KIF13B: variants seen among roughly 807,000 people sequenced by gnomAD.
KIF13B encodes kinesin-like protein KIF13B.
Under a neutral mutation model 222.0 loss-of-function variants are expected in KIF13B, and 127 were observed. The observed-to-expected ratio is 0.57, with a 90% confidence interval of 0.50 to 0.66. KIF13B has a LOEUF of 0.66. Ranked by LOEUF, KIF13B falls within the 30% of genes least tolerant of loss-of-function variation. The pLI is 0.00. For synonymous variants in KIF13B, 976 were observed against 919.0 expected (o/e 1.06, Z -1.12); for missense variants, 2,173 against 2,379.0 (o/e 0.91, Z 1.80).
intron 33 of KIF13B, among the ~76,000 whole-genome samples, 164 bp downstream of exon 33, chr8:29,109,753 TG>T (rs1417649254): frequency 6.6e-6 from 1 of 152,252 alleles, no homozygotes; most frequent in Non-Finnish European, 1.5e-5. Flanking sequence ...GCTGTTACTT[TG>T]TAAGACAGAA....
chr8:29,221,465 T>TAA lies in KIF13B; in HGVS notation c.149+23879_149+23880dup, dbSNP rs758078417. On this transcript the variant is annotated intron_variant, in intron 2 of 39. Transcript: ENST00000524189. The stretch of plus-strand genomic sequence containing the variant: ...GGGCAACAGAGTGAGACCCTGTATT[T>TAA]AAAAAAAAAAAAAAAGGAAAGAAAA... 4.0e-4 allele frequency among the ~76,000 whole-genome samples: 52 copies of TAA among 130,696 alleles called. No homozygotes were observed. In the South Asian group the frequency reaches 4.9e-3, roughly 12 times the overall value. 85.7% of individuals were successfully genotyped at this position (130,696 alleles called of 152,430 possible). A position where few individuals can be genotyped will look rare whatever the true frequency, so the allele number is the denominator to read the frequency against.
chr8:29,238,662 C>T (rs1018765267), intron 2 of KIF13B, among the ~76,000 whole-genome samples: 1 of 152,092 alleles, frequency 6.6e-6, no homozygotes, highest in Non-Finnish European at 1.5e-5. Flanking sequence ...TACTGTAAAA[C>T]AAGAACAGTC....
chr8:29,149,012 G>A (rs1811184750), intron 15 of KIF13B, among the ~76,000 whole-genome samples: 1 of 152,196 alleles, frequency 6.6e-6, no homozygotes, highest in Non-Finnish European at 1.5e-5. Flanking sequence ...GGAAAGCTGA[G>A]GACGTTTTCA....
chr8:29,120,211 G>A (rs1809800738), intron 29 of KIF13B, among the ~76,000 whole-genome samples: 2 of 128,242 alleles, frequency 1.6e-5, no homozygotes, highest in East Asian at 2.2e-4. Context: ...TAAGTTTTAG[G>A]GTACATGTGC....
intron 37 of KIF13B, among the ~76,000 whole-genome samples, chr8:29,082,884 G>A (rs764411622): frequency 6.6e-5 from 10 of 152,292 alleles, no homozygotes; most frequent in African/African-American, 9.6e-5. Context: ...CAGCACTTCC[G>A]GAGGCTGAGG....
At chr8:29,200,933 T>C (rs1480124760) in intron 2 of KIF13B, among the ~76,000 whole-genome samples, 2 of 152,228 alleles carry the variant, frequency 1.3e-5, no homozygotes, top group African/African-American at 4.8e-5. Context: ...ATGAGGTGCA[T>C]GTGCCATTAC....
intron 37 of KIF13B, among the ~76,000 whole-genome samples, chr8:29,089,703 T>C (rs189020088): frequency 1.0e-3 from 155 of 151,788 alleles, no homozygotes; most frequent in African/African-American, 3.7e-3. Context: ...AGACCAGCCT[T>C]GCCAACATGG....
intron 8 of KIF13B, among the ~76,000 whole-genome samples, chr8:29,178,644 C>T (rs1483797180): frequency 2.1e-5 from 2 of 96,902 alleles, no homozygotes; most frequent in Admixed American, 1.2e-4. Context: ...ATCAAAAGTA[C>T]TTTTAGTTAA....
Position 29,067,580 on chromosome 8 carries a change from C to T in KIF13B, c.*2924G>A, listed in dbSNP as rs1000912142. ...GTGTCTGCAGCCCACCAGGAAGGCA[C>T]CACGGACTTTGTGGAGAGAAAGATG... On this transcript the variant is annotated 3_prime_UTR_variant, in exon 40 of 40. Coordinates refer to ENST00000524189, the MANE Select transcript of KIF13B (RefSeq NM_015254.4). The T allele has an allele frequency of 6.6e-6, 1 of 152,294 alleles. No homozygotes were observed. The highest frequency in any genetic ancestry group is 1.5e-5 in the Non-Finnish European group (1 of 68,102). The allele number at this position is 152,294 out of a possible 1,614,324, so 9.4% of individuals were successfully genotyped here.
At chr8:29,230,431 C>G (rs1456588429) in intron 2 of KIF13B, among the ~76,000 whole-genome samples, 1 of 152,182 alleles carries the variant, frequency 6.6e-6, no homozygotes, top group Non-Finnish European at 1.5e-5. Flanking sequence ...ACTATCCATA[C>G]CAAGTTCTGG....
Position 29,147,552 on chromosome 8 carries a change from TTTC to T in KIF13B, c.1861_1863del (p.Glu621del). The T allele has an allele frequency of 6.2e-7, 1 of 1,613,620 alleles. No homozygotes were observed. Among genetic ancestry groups the T allele is most frequent in the Non-Finnish European group, 8.5e-7 (1 of 1,179,854 alleles). On this transcript the variant is annotated inframe_deletion, in exon 17 of 40. Transcript: ENST00000524189. ...CTCTGGCGCTCCAGTGCAGATCGTTTTTCTTCTTCATGCTGTTGTTCTAAGCTG... is the reference window on the plus strand; with the variant it reads ...CTCTGGCGCTCCAGTGCAGATCGTTTTTCTTCATGCTGTTGTTCTAAGCTG...
Position 29,146,531 on chromosome 8 carries a change from C to G in KIF13B, c.2034G>C (p.Thr678=). The G allele has an allele frequency of 6.2e-7, 1 of 1,612,556 alleles. No individual in the cohort carries two copies. Among genetic ancestry groups the G allele is most frequent in the Non-Finnish European group, 8.5e-7 (1 of 1,179,464 alleles). Residue 678 remains threonine, a synonymous_variant, in exon 18 of 40, where the codon ACG becomes ACC. Coordinates refer to ENST00000524189, the MANE Select transcript of KIF13B (RefSeq NM_015254.4). ...LRQWAEEREA[T]LNNSLMRLRE... ...TCAGCCTCATCAGGCTGTTATTCAA[C>G]GTTGCTTCTCTAAAAAAAAATAAAG... is the stretch of plus-strand genomic sequence containing the variant.
At chr8:29,214,922 G>A (rs967311810) in intron 2 of KIF13B, among the ~76,000 whole-genome samples, 2 of 152,106 alleles carry the variant, frequency 1.3e-5, no homozygotes, top group African/African-American at 4.8e-5. Context: ...TATCATTATG[G>A]GGCGCATGAC....
chr8:29,096,440 A>C (rs1301375012), intron 36 of KIF13B, among the ~76,000 whole-genome samples: 1 of 151,134 alleles, frequency 6.6e-6, no homozygotes, highest in Non-Finnish European at 1.5e-5. Context: ...GAGGGACTAC[A>C]AGTGTGTACC....
chr8:29,117,827 G>T (rs2129684141), intron 30 of KIF13B, among the ~76,000 whole-genome samples: 2 of 152,292 alleles, frequency 1.3e-5, no homozygotes, highest in Middle Eastern at 6.8e-3. Flanking sequence ...TGAAAATCAA[G>T]ATGTCACCAC....
chr8:29,123,942 T>C (rs1809992599), intron 27 of KIF13B, 82 bp downstream of exon 27: 1 of 843,000 alleles, frequency 1.2e-6, no homozygotes, highest in Non-Finnish European at 1.9e-6. Context: ...ATCTGGTTCT[T>C]AACTGATGTG....
rs142859871 is a variant in KIF13B at position 29,070,394 on chromosome 8, G to A, written c.*110C>T. On this transcript the variant is annotated 3_prime_UTR_variant, in exon 40 of 40. Transcript: ENST00000524189. This position sits in a 1 kb window ranked among gnomAD's most constrained non-coding sequence, Gnocchi z 4.1. ...CTGTGTCGTGCAAAAAGCATTCATC[G>A]CCCTGCCCCTGGGGAAGGGGCCACC... The A allele has an allele frequency of 2.3e-4, 280 of 1,227,894 alleles. No homozygotes were observed. In the African/African-American group the frequency reaches 3.5e-3, roughly 16 times the overall value. 76.1% of individuals were successfully genotyped at this position (1,227,894 alleles called of 1,614,324 possible).
At chr8:29,084,357 T>C (rs1405830550) in intron 37 of KIF13B, among the ~76,000 whole-genome samples, 2 of 152,246 alleles carry the variant, frequency 1.3e-5, no homozygotes, top group African/African-American at 4.8e-5. Flanking sequence ...TTTGTGCTTG[T>C]TTCTCCCTGT....
At chr8:29,123,601 G>T in intron 27 of KIF13B, 109 bp from the exon 28 acceptor site, 1 of 1,402,656 alleles carries the variant, frequency 7.1e-7, no homozygotes, top group Non-Finnish European at 9.8e-7. Context: ...GCTCACAAGT[G>T]CTCCCCAGTG....
Sources: gnomAD v4.1 joint callset for allele counts (sites outside exome capture counted in the v4.1 genomes callset) on GRCh38, gnomAD v4.1.1 for gene constraint, Gnocchi (gnomAD v3.1) non-coding constraint, MANE v1.5 for transcripts, NCBI Gene and HGNC (gene_info 2026-07-23, HGNC 2026-07-21) for gene names.